Variants in CERT1 observed in about 807,000 individuals in gnomAD.
The protein encoded by CERT1 is ceramide transporter 1.
In CERT1, 31 loss-of-function variants were observed where a neutral mutation model predicts 87.9. The ratio of observed to expected loss-of-function variants is 0.35; its 90% CI spans 0.27 to 0.48. CERT1 has a LOEUF of 0.48. Among genes scored for constraint, CERT1 ranks in the 20% least tolerant of loss-of-function variants. The pLI is 0.99. For synonymous variants in CERT1, 289 were observed against 250.9 expected (o/e 1.15, Z -1.44); for missense variants, 487 against 758.0 (o/e 0.64, Z 4.20).
chr5:75,422,928 G>A (rs993855579), intron 5 of CERT1, among the ~76,000 whole-genome samples: 1 of 152,158 alleles, frequency 6.6e-6, no homozygotes, highest in African/African-American at 2.4e-5. Context: ...GCCAAGGAGA[G>A]AGGCGTGGAA....
At position 75,425,803 on chromosome 5, in the gene CERT1, G is replaced by A. The variant is rs146767284; in HGVS notation, c.457-304C>T. ...TGACAGTTTGCAAATATAACATTTG[G>A]TATTTTCAAATTAAACAAAATTGTG... On this transcript the variant is annotated intron_variant, in intron 4 of 16. Transcript: ENST00000643780. 2.1e-3 allele frequency among the ~76,000 whole-genome samples: 317 copies of A among 152,284 alleles called. 1 individual carries two copies. In the East Asian group the frequency reaches 0.027, roughly 13 times the overall value.
At chr5:75,447,566 G>A (rs1300223729) in intron 3 of CERT1, among the ~76,000 whole-genome samples, 1 of 151,784 alleles carries the variant, frequency 6.6e-6, no homozygotes. Flanking sequence ...TGCCTCCCAG[G>A]TTCATGCCAT....
intron 3 of CERT1, among the ~76,000 whole-genome samples, chr5:75,437,960 G>A (rs1764165260): frequency 6.6e-6 from 1 of 151,786 alleles, no homozygotes; most frequent in African/African-American, 2.4e-5. Context: ...TAGTCATTCT[G>A]GTAATGTCTA....
intron 2 of CERT1, among the ~76,000 whole-genome samples, chr5:75,462,335 A>C (rs1765267042): frequency 6.6e-6 from 1 of 152,192 alleles, no homozygotes; most frequent in Non-Finnish European, 1.5e-5. Context: ...CTGGGATGAA[A>C]CTGTTCCACC....
At chr5:75,401,367 T>A (rs1216584114) in intron 9 of CERT1, 1 of 152,188 alleles carries the variant, frequency 6.6e-6, no homozygotes, top group Non-Finnish European at 1.5e-5. Flanking sequence ...ATGTTTTGAA[T>A]CATCTTGTCT....
At chr5:75,480,211 C>T (rs1376589896) in intron 2 of CERT1, among the ~76,000 whole-genome samples, 1 of 152,138 alleles carries the variant, frequency 6.6e-6, no homozygotes, top group African/African-American at 2.4e-5. Flanking sequence ...ATATTCTGAA[C>T]CTAGGTACTT....
chr5:75,400,446 A>G, intron 9 of CERT1, 149 bp from the exon 10 acceptor site: 3 of 550,962 alleles, frequency 5.4e-6, no homozygotes, highest in South Asian at 3.0e-5. Flanking sequence ...CTCCGCAGAC[A>G]TGGCAAATCC....
intron 3 of CERT1, among the ~76,000 whole-genome samples, chr5:75,456,553 A>AG (rs1764989337): frequency 6.7e-6 from 1 of 150,316 alleles, no homozygotes; most frequent in Admixed American, 6.6e-5. Flanking sequence ...GCATGCCTGT[A>AG]GTCCCAGCTA....
At chr5:75,415,074 T>G (rs531847505) in intron 7 of CERT1, among the ~76,000 whole-genome samples, 11 of 152,004 alleles carry the variant, frequency 7.2e-5, no homozygotes, top group Non-Finnish European at 1.3e-4. Context: ...TACAAAAGAT[T>G]AGAAAGTTCT....
At chr5:75,422,647 C>T (rs1763437729) in intron 5 of CERT1, among the ~76,000 whole-genome samples, 1 of 152,128 alleles carries the variant, frequency 6.6e-6, no homozygotes, top group Non-Finnish European at 1.5e-5. Context: ...ATCAATCAGT[C>T]AGTATCTCAC....
At chr5:75,380,541 C>T (rs1761527652) in intron 16 of CERT1, among the ~76,000 whole-genome samples, 1 of 152,078 alleles carries the variant, frequency 6.6e-6, no homozygotes, top group Non-Finnish European at 1.5e-5. Flanking sequence ...GTAATCCCAG[C>T]ACTTTGGGAG....
chr5:75,371,225 T>C (rs774710862), intron 17 of CERT1: 3 of 152,228 alleles, frequency 2.0e-5, no homozygotes, highest in Non-Finnish European at 2.9e-5. Context: ...AAAGCTATTA[T>C]AGAAGTTACT....
intron 2 of CERT1, among the ~76,000 whole-genome samples, chr5:75,476,153 G>A (rs988439928): frequency 2.6e-5 from 4 of 152,004 alleles, no homozygotes; most frequent in Non-Finnish European, 5.9e-5. Flanking sequence ...ACAAACAAAG[G>A]TGGACAAAAG....
intron 10 of CERT1, 66 bp downstream of exon 10, chr5:75,400,139 G>C (rs1762412206): frequency 8.3e-7 from 1 of 1,204,016 alleles, no homozygotes; most frequent in African/African-American, 1.5e-5. Context: ...TCAAATAAAA[G>C]ATATTTCCAC....
intron 3 of CERT1, among the ~76,000 whole-genome samples, chr5:75,429,312 C>T (rs1763767049): frequency 6.6e-6 from 1 of 152,020 alleles, no homozygotes; most frequent in African/African-American, 2.4e-5. Flanking sequence ...AATGATTCTC[C>T]TGCCTCAGCC....
chr5:75,410,887 A>C (rs182303307), intron 8 of CERT1, 124 bp downstream of exon 8: 2 of 496,914 alleles, frequency 4.0e-6, no homozygotes, highest in Admixed American at 7.8e-5. Context: ...CTGAATTAAC[A>C]TAAACACTGA....
chr5:75,369,543 A>G (rs1298554935), intron 17 of CERT1: 1 of 152,188 alleles, frequency 6.6e-6, no homozygotes, highest in Non-Finnish European at 1.5e-5. Flanking sequence ...TCAGGGAATC[A>G]GTAGGTTTGT....
At chr5:75,393,773 G>A (rs556516882) in intron 11 of CERT1, among the ~76,000 whole-genome samples, 10 of 151,226 alleles carry the variant, frequency 6.6e-5, no homozygotes, top group South Asian at 4.2e-4. Flanking sequence ...AGACCATCCC[G>A]GCTAACACGG....
At chr5:75,373,896 T>C (rs1395775195), downstream of CERT1, 3 of 393,496 alleles carry the variant, frequency 7.6e-6, no homozygotes, top group Non-Finnish European at 1.3e-5. Flanking sequence ...CAATTCCTAG[T>C]TGTGATTCAA....
Sources: allele counts gnomAD v4.1 joint callset (sites outside exome capture counted in the v4.1 genomes callset), GRCh38; gene constraint gnomAD v4.1.1; transcripts MANE v1.5; gene names NCBI Gene and HGNC (gene_info 2026-07-23, HGNC 2026-07-21).